PLCH1: variants seen among roughly 807,000 people sequenced by gnomAD.
The protein encoded by PLCH1 is phospholipase C eta 1.
PLCH1 carries 60 observed loss-of-function variants against 126.7 expected under a neutral mutation model. The observed-to-expected ratio is 0.47, with a 90% confidence interval of 0.38 to 0.59. PLCH1 has a LOEUF of 0.59. PLCH1 is among the 20% of genes least tolerant of loss of function. The pLI is 0.00. For missense variants in PLCH1, 1,723 were observed against 2,040.0 expected, an observed-to-expected ratio of 0.84 and a Z score of 2.99; for synonymous variants, 719 against 734.9, an observed-to-expected ratio of 0.98 and a Z score of 0.35.
At chr3:155,472,208 AG>A (rs1713293011) in intron 21 of PLCH1, among the ~76,000 whole-genome samples, 1 of 151,972 alleles carries the variant, frequency 6.6e-6, no homozygotes, top group African/African-American at 2.4e-5. Context: ...AAAAGAGAGA[AG>A]AATCAAATAG....
At chr3:155,613,361 A>C (rs908764814) in intron 2 of PLCH1, among the ~76,000 whole-genome samples, 2 of 149,848 alleles carry the variant, frequency 1.3e-5, no homozygotes, top group African/African-American at 2.5e-5. Flanking sequence ...ACAAAAAAAA[A>C]CAGACCAATA....
At chr3:155,590,745 G>A (rs1304480132) in intron 4 of PLCH1, among the ~76,000 whole-genome samples, 3 of 151,974 alleles carry the variant, frequency 2.0e-5, no homozygotes, top group Non-Finnish European at 2.9e-5. Flanking sequence ...GCGAGACTCC[G>A]CCTCAAACAA....
intron 21 of PLCH1, among the ~76,000 whole-genome samples, chr3:155,461,904 T>C (rs1273185357): frequency 6.6e-6 from 1 of 152,132 alleles, no homozygotes; most frequent in East Asian, 1.9e-4. Flanking sequence ...TCAGATCCTA[T>C]GTATGGATTG....
At chr3:155,545,775 C>T (rs1162456846) in intron 10 of PLCH1, among the ~76,000 whole-genome samples, 1 of 151,680 alleles carries the variant, frequency 6.6e-6, no homozygotes, top group Non-Finnish European at 1.5e-5. Context: ...TAAACAGAAC[C>T]AAAGACAAAA....
Position 155,702,227 on chromosome 3 carries a change from G to A in PLCH1, c.79+1919C>T, listed in dbSNP as rs149742973. 9.2e-3 allele frequency among the ~76,000 whole-genome samples: 1,397 copies of A among 152,288 alleles called. 12 individuals are homozygous for A. Among genetic ancestry groups the A allele is most frequent in the Non-Finnish European group, 0.013 (868 of 68,028 alleles). On this transcript the variant is annotated intron_variant, in intron 2 of 22. Coordinates refer to ENST00000460012, the MANE Select transcript of PLCH1 (RefSeq NM_014996.4). ...TTGAGACCAGCATGCTCATTTCACA[G>A]AAAAGAGAACTGAGTTCCTGAAAGA...
At chr3:155,454,643 T>C (rs1321271335) in intron 21 of PLCH1, among the ~76,000 whole-genome samples, 2 of 152,256 alleles carry the variant, frequency 1.3e-5, no homozygotes, top group African/African-American at 4.8e-5. Context: ...TAGCCCCAGC[T>C]CTTCAGGGCC....
chr3:155,561,114 CTT>C (rs11344107), intron 8 of PLCH1, among the ~76,000 whole-genome samples: 62 of 149,792 alleles, frequency 4.1e-4, no homozygotes, highest in Non-Finnish European at 8.1e-4. Context: ...ATCACCTTTT[CTT>C]TTTTTTTTAA....
intron 4 of PLCH1, among the ~76,000 whole-genome samples, chr3:155,588,632 C>A (rs1055450781): frequency 6.6e-5 from 10 of 152,196 alleles, no homozygotes; most frequent in African/African-American, 2.4e-4. Context: ...GTGTATTCTG[C>A]AGATACAAAC....
At chr3:155,506,348 T>C (rs77404024) in intron 12 of PLCH1, among the ~76,000 whole-genome samples, 4 of 143,622 alleles carry the variant, frequency 2.8e-5, no homozygotes, top group South Asian at 2.3e-4. Flanking sequence ...TCACTCTCTT[T>C]TTTTTTTTTT....
intron 11 of PLCH1, among the ~76,000 whole-genome samples, chr3:155,517,838 A>G (rs1720558898): frequency 6.6e-6 from 1 of 152,242 alleles, no homozygotes; most frequent in South Asian, 2.1e-4. Flanking sequence ...CAGCATTTCA[A>G]TGTGAGGAAA....
At chr3:155,640,849 T>C (rs1487855772) in intron 2 of PLCH1, among the ~76,000 whole-genome samples, 3 of 152,192 alleles carry the variant, frequency 2.0e-5, no homozygotes, top group Non-Finnish European at 4.4e-5. Flanking sequence ...ATCAGTCCAC[T>C]ACTCCGCTAG....
chr3:155,464,839 G>A (rs373408772), intron 21 of PLCH1, among the ~76,000 whole-genome samples: 17 of 152,138 alleles, frequency 1.1e-4, no homozygotes, highest in African/African-American at 3.9e-4. Context: ...AGCCGGGCAC[G>A]GTGGCTCATG....
intron 1 of PLCH1, among the ~76,000 whole-genome samples, chr3:155,732,732 T>C (rs925657928): frequency 2.6e-5 from 4 of 151,502 alleles, no homozygotes; most frequent in Non-Finnish European, 5.9e-5. Context: ...ACAAAAGTTA[T>C]CTGTGCATGG....
intron 2 of PLCH1, among the ~76,000 whole-genome samples, chr3:155,605,116 T>C (rs1311526223): frequency 1.3e-5 from 2 of 152,234 alleles, no homozygotes; most frequent in African/African-American, 4.8e-5. Flanking sequence ...CCTCTTGTTT[T>C]ATGTCCTGGG....
At chr3:155,695,614 C>G (rs1745732614) in intron 2 of PLCH1, among the ~76,000 whole-genome samples, 1 of 152,264 alleles carries the variant, frequency 6.6e-6, no homozygotes, top group Non-Finnish European at 1.5e-5. Context: ...TCAGAACAGT[C>G]TCTGCTCTCC....
intron 1 of PLCH1, among the ~76,000 whole-genome samples, chr3:155,717,046 G>A (rs1747571851): frequency 6.6e-6 from 1 of 152,188 alleles, no homozygotes; most frequent in Non-Finnish European, 1.5e-5. Flanking sequence ...AAAAGAAAGG[G>A]GCCACAGGCC....
At chr3:155,733,081 G>A (rs560836760) in intron 1 of PLCH1, among the ~76,000 whole-genome samples, 16 of 152,038 alleles carry the variant, frequency 1.1e-4, no homozygotes, top group African/African-American at 3.6e-4. Context: ...CGAACAAAGG[G>A]AAAGATATCC....
In PLCH1 at chr3:155,485,709, T is replaced by C. The variant is rs571823128; in HGVS notation, c.2621A>G (p.Asn874Ser). 1.7e-5 allele frequency: 27 copies of C among 1,575,342 alleles called. No individual in the cohort carries two copies. Among genetic ancestry groups the C allele is most frequent in the South Asian group, 1.0e-4 (9 of 89,330 alleles). ...HITINEIYGK[N>S]RQLQGLKGLF... ...TCCCTTCAGACCCTGGAGTTGTCTG[T>C]TCTGAAGACACAAAAGAACCAACCA... The change falls in exon 22 of 23, where the codon AAC (asparagine) becomes AGC (serine). Residue 874 changes from asparagine to serine, a missense_variant and splice_region_variant. Asn to Ser is a conservative substitution (Grantham distance 46). Transcript: ENST00000460012.
intron 22 of PLCH1, 173 bp from the exon 23 acceptor site, chr3:155,483,224 G>C: frequency 4.5e-6 from 4 of 879,474 alleles, no homozygotes; most frequent in Non-Finnish European, 5.3e-6. Flanking sequence ...TGAATAAATG[G>C]TAAAATATAT....
Sources: gnomAD v4.1 joint callset for allele counts (sites outside exome capture counted in the v4.1 genomes callset) on GRCh38, gnomAD v4.1.1 for gene constraint, MANE v1.5 for transcripts, NCBI Gene and HGNC (gene_info 2026-07-23, HGNC 2026-07-21) for gene names.